The following PGM1 variants were observed in gnomAD, a reference collection of about 807,000 sequenced individuals.
The protein encoded by PGM1 is phosphoglucomutase 1, also known as phosphoglucomutase-1.
In PGM1, 52 loss-of-function variants were observed where a neutral mutation model predicts 55.6. The ratio of observed to expected loss-of-function variants is 0.94; its 90% CI spans 0.75 to 1.18. PGM1 has a LOEUF of 1.18. Among genes scored for constraint, PGM1 ranks in the 50% most tolerant of loss-of-function variants. The pLI, the probability that PGM1 is intolerant of heterozygous loss-of-function variation, is 0.00. For missense variants in PGM1, 724 were observed against 729.3 expected (o/e 0.99, Z 0.08); for synonymous variants, 287 against 271.7 (o/e 1.06, Z -0.55).
chr1:63,596,409 A>G (rs1197051892), intron 1 of PGM1, among the ~76,000 whole-genome samples: 1 of 151,368 alleles, frequency 6.6e-6, no homozygotes, highest in Non-Finnish European at 1.5e-5. Context: ...GGCATGCACC[A>G]CCACACCTGG....
At chr1:63,593,877 G>C in intron 1 of PGM1, 143 bp downstream of exon 1, 2 of 1,285,160 alleles carry the variant, frequency 1.6e-6, no homozygotes, top group South Asian at 4.9e-5. Context: ...TCTCCTTCGC[G>C]CTCGCTCTTC....
intron 8 of PGM1, among the ~76,000 whole-genome samples, chr1:63,650,265 A>G (rs1294721803): frequency 6.6e-6 from 1 of 152,208 alleles, no homozygotes; most frequent in East Asian, 1.9e-4. Context: ...ATTCTGAGAG[A>G]TAGGGCAGCT....
intron 8 of PGM1, among the ~76,000 whole-genome samples, chr1:63,649,919 A>G (rs982900717): frequency 2.0e-5 from 3 of 152,250 alleles, no homozygotes; most frequent in Non-Finnish European, 4.4e-5. Flanking sequence ...CACCCAACTC[A>G]TAGTAGAGAC....
At chr1:63,616,969 G>T (rs577302953) in intron 1 of PGM1, among the ~76,000 whole-genome samples, 1 of 152,174 alleles carries the variant, frequency 6.6e-6, no homozygotes, top group Admixed American at 6.5e-5. Flanking sequence ...TAATACTTAC[G>T]CAGGGCTTGC....
At chr1:63,637,963 A>G (rs897278525) in intron 6 of PGM1, among the ~76,000 whole-genome samples, 4 of 152,068 alleles carry the variant, frequency 2.6e-5, no homozygotes, top group African/African-American at 4.8e-5. Flanking sequence ...TCAAACAGTG[A>G]ATGGAACTTA....
intron 1 of PGM1, among the ~76,000 whole-genome samples, chr1:63,594,944 G>A (rs563509919): frequency 7.2e-6 from 1 of 138,244 alleles, no homozygotes; most frequent in Non-Finnish European, 1.5e-5. Context: ...CTCGGCGACA[G>A]AGCGAGACTC....
chr1:63,613,848 C>T (rs1209996858), intron 1 of PGM1, among the ~76,000 whole-genome samples: 1 of 151,980 alleles, frequency 6.6e-6, no homozygotes, highest in African/African-American at 2.4e-5. Flanking sequence ...CTTTGGGAGT[C>T]ACTTGGGATC....
At chr1:63,635,137 C>A in intron 5 of PGM1, 118 bp downstream of exon 5, 1 of 853,454 alleles carries the variant, frequency 1.2e-6, no homozygotes, top group Non-Finnish European at 2.0e-6. Flanking sequence ...ATCCCTCATT[C>A]TGACCCGAGG....
At chr1:63,645,899 G>C (rs958275106) in intron 7 of PGM1, among the ~76,000 whole-genome samples, 1 of 152,164 alleles carries the variant, frequency 6.6e-6, no homozygotes, top group Non-Finnish European at 1.5e-5. Context: ...TAATTACAAG[G>C]ATAAATAAGA....
chr1:63,624,166 T>C (rs1557428036), intron 1 of PGM1, among the ~76,000 whole-genome samples: 1 of 152,314 alleles, frequency 6.6e-6, no homozygotes, highest in South Asian at 2.1e-4. Flanking sequence ...GGCTTTCTTG[T>C]TGAAGTTCAG....
chr1:63,643,875 G>C (rs1649584756), intron 7 of PGM1, among the ~76,000 whole-genome samples: 1 of 152,210 alleles, frequency 6.6e-6, no homozygotes, highest in Admixed American at 6.5e-5. Context: ...AGGTGTATGT[G>C]GAATGGGCTT....
chr1:63,654,260 A>C (rs1021904156), intron 9 of PGM1, 72 bp from the exon 10 acceptor site: 8 of 1,430,080 alleles, frequency 5.6e-6, no homozygotes, highest in Non-Finnish European at 6.9e-6. Context: ...ATCCCCAAAT[A>C]GACCCCTCAT....
At chr1:63,598,747 G>A (rs1648151422) in intron 1 of PGM1, among the ~76,000 whole-genome samples, 1 of 152,224 alleles carries the variant, frequency 6.6e-6, no homozygotes, top group African/African-American at 2.4e-5. Flanking sequence ...GGAAGGGGAT[G>A]TAAGCATCCC....
intron 1 of PGM1, among the ~76,000 whole-genome samples, chr1:63,617,063 C>T (rs2269262): frequency 0.14 from 21,780 of 152,202 alleles, 2,919 homozygotes; most frequent in African/African-American, 0.35. Context: ...CAGTAGCTAC[C>T]ACTTTCAATC....
chr1:63,596,436 T>C (rs1442582213), intron 1 of PGM1, among the ~76,000 whole-genome samples: 2 of 151,998 alleles, frequency 1.3e-5, no homozygotes, highest in Admixed American at 6.6e-5. Context: ...TTTATATTTT[T>C]AGTAGAGATG....
In PGM1 at chr1:63,593,852, C is replaced by T. The variant is rs1199731543; in HGVS notation, c.246+118C>T. 5.4e-6 allele frequency: 7 copies of T among 1,302,236 alleles called. No individual in the cohort carries two copies. In the Admixed American group the frequency reaches 2.6e-4, roughly 48 times the overall value. The allele number at this position is 1,302,236 out of a possible 1,614,324, so 80.7% of individuals were successfully genotyped here. On this transcript the variant is annotated intron_variant, in intron 1 of 10. Transcript: ENST00000371084. ...CCGCGCGCTGCCGCCTCGGTTTCCA[C>T]CTCCCGCTCCTCCCTCTCCTTCGCG...
intron 1 of PGM1, among the ~76,000 whole-genome samples, chr1:63,623,966 G>C (rs559029124): frequency 9.2e-5 from 14 of 152,276 alleles, no homozygotes; most frequent in African/African-American, 3.4e-4. Context: ...GGAATGTTAA[G>C]TTCAGCTTCT....
At position 63,612,125 on chromosome 1, in the gene PGM1, C is replaced by T. The variant is rs528831029; in HGVS notation, c.247-17300C>T. Among the ~76,000 whole-genome samples, 4 of 151,866 alleles carry T rather than the reference C, an allele frequency of 2.6e-5. No homozygotes were observed. In the South Asian group the frequency reaches 6.2e-4, roughly 24 times the overall value. ...TACAAAAATTAGCCGGGCATGGTGG[C>T]GCGTGCCTGTAATCCCAGCTACTTG... On this transcript the variant is annotated intron_variant, in intron 1 of 10. Transcript: ENST00000371084.
At chr1:63,594,199 CT>C (rs1200777412) in intron 1 of PGM1, 47 of 881,870 alleles carry the variant, frequency 5.3e-5, no homozygotes, top group Non-Finnish European at 6.0e-5. Context: ...CGCTCCTCTG[CT>C]ATTCTCGGCT....
Sources: gnomAD v4.1 joint callset for allele counts (sites outside exome capture counted in the v4.1 genomes callset) on GRCh38, gnomAD v4.1.1 for gene constraint, MANE v1.5 for transcripts, NCBI Gene and HGNC (gene_info 2026-07-23, HGNC 2026-07-21) for gene names.